Variants in MMP16 observed in about 807,000 individuals in gnomAD.
MMP16 encodes the protein matrix metallopeptidase 16.
MMP16 carries 12 observed loss-of-function variants against 67.8 expected under a neutral mutation model. The observed-to-expected ratio is 0.18, with a 90% CI of 0.11 to 0.29. The LOEUF (loss-of-function observed/expected upper bound fraction) is 0.29. MMP16 is among the 10% of genes least tolerant of loss of function. MMP16 has a pLI of 1.00. For missense variants in MMP16, 475 were observed against 765.7 expected (o/e 0.62, Z 4.48); for synonymous variants, 249 against 255.9 (o/e 0.97, Z 0.26).
At chr8:88,049,232 A>T (rs561197290) in intron 8 of MMP16, among the ~76,000 whole-genome samples, 2 of 152,334 alleles carry the variant, frequency 1.3e-5, no homozygotes, top group South Asian at 4.1e-4. Context: ...AGGACAATGA[A>T]GTGGAATCAT....
intron 4 of MMP16, among the ~76,000 whole-genome samples, chr8:88,164,905 T>A (rs893472267): frequency 1.3e-5 from 2 of 151,700 alleles, no homozygotes; most frequent in Admixed American, 1.3e-4. Flanking sequence ...TTCCCACATA[T>A]ACATTCCTTG....
intron 4 of MMP16, among the ~76,000 whole-genome samples, chr8:88,148,327 A>C (rs1808329722): frequency 6.6e-6 from 1 of 152,206 alleles, no homozygotes; most frequent in South Asian, 2.1e-4. Flanking sequence ...CCTGGAGATT[A>C]ATCTATTGTT....
In MMP16 at chr8:88,041,669, ACT is replaced by A. The variant is rs1808134655; in HGVS notation, c.1614_1615del (p.Arg538SerfsTer2). On this transcript the variant is annotated frameshift_variant, in exon 10 of 10. Coordinates refer to ENST00000286614, the MANE Select transcript of MMP16 (RefSeq NM_005941.5). LOFTEE classifies it high-confidence loss of function. This position sits in a 1 kb window ranked among gnomAD's most constrained non-coding sequence, Gnocchi z 6.0. Reference sequence around the variant, plus strand: ...ATCTGGTGGGCTGTGTCCTTCTTTAACTCTGTCTGTTGGTCCATCACAGCCCA... The same window carrying A: ...ATCTGGTGGGCTGTGTCCTTCTTTAACTGTCTGTTGGTCCATCACAGCCCA... 6.2e-7 allele frequency: 1 copy of A among 1,613,810 alleles called. No homozygotes were observed.
chr8:88,047,678 G>A (rs1280059296), intron 8 of MMP16, among the ~76,000 whole-genome samples: 1 of 152,190 alleles, frequency 6.6e-6, no homozygotes, highest in African/African-American at 2.4e-5. Context: ...TGGAGACATG[G>A]TGAGAGTAAG....
intron 7 of MMP16, among the ~76,000 whole-genome samples, 179 bp downstream of exon 7, chr8:88,074,425 CG>C (rs1307710147): frequency 6.6e-6 from 1 of 151,622 alleles, no homozygotes; most frequent in Non-Finnish European, 1.5e-5. Context: ...ATGAGAATAC[CG>C]TATGAGAACA....
At chr8:88,218,030 T>C (rs925876391) in intron 1 of MMP16, among the ~76,000 whole-genome samples, 2 of 152,008 alleles carry the variant, frequency 1.3e-5, no homozygotes, top group African/African-American at 4.8e-5. Context: ...TTTTGTTTCA[T>C]TTGCTTTCTC....
Position 88,283,906 on chromosome 8 carries a change from G to C in MMP16, c.132+43169C>G, listed in dbSNP as rs144000952. Among the ~76,000 whole-genome samples the C allele has an allele frequency of 2.6e-3, 391 of 152,254 alleles. 4 individuals carry two copies. The Middle Eastern group carries it at 0.031, about 12-fold the overall frequency. ...ACATGGCCTGACCAATGCCAACAAG[G>C]TGAACCATAATATTTTGCAAAGCAT... On this transcript the variant is annotated intron_variant, in intron 1 of 9. Transcript: ENST00000286614.
At chr8:88,064,129 G>A (rs571269346) in intron 7 of MMP16, among the ~76,000 whole-genome samples, 1 of 152,194 alleles carries the variant, frequency 6.6e-6, no homozygotes, top group African/African-American at 2.4e-5. Flanking sequence ...GTGTATGGCT[G>A]CTTTTACCTT....
At chr8:88,219,446 G>A (rs1330133973) in intron 1 of MMP16, among the ~76,000 whole-genome samples, 1 of 152,052 alleles carries the variant, frequency 6.6e-6, no homozygotes, top group Non-Finnish European at 1.5e-5. Context: ...GCCAAGAAAT[G>A]TTACACTATG....
At chr8:88,218,466 G>C (rs1809628266) in intron 1 of MMP16, among the ~76,000 whole-genome samples, 1 of 151,980 alleles carries the variant, frequency 6.6e-6, no homozygotes, top group Admixed American at 6.6e-5. Context: ...TTTGCTAGAA[G>C]AGTAAATCTG....
intron 1 of MMP16, among the ~76,000 whole-genome samples, chr8:88,219,823 C>T (rs1276430391): frequency 6.6e-6 from 1 of 151,948 alleles, no homozygotes; most frequent in Non-Finnish European, 1.5e-5. Context: ...GTATTGAATC[C>T]GAAGAGCTTT....
At chr8:88,241,278 C>T (rs1399642931) in intron 1 of MMP16, among the ~76,000 whole-genome samples, 1 of 152,040 alleles carries the variant, frequency 6.6e-6, no homozygotes, top group Non-Finnish European at 1.5e-5. Context: ...TCGGAAGTCT[C>T]TAGAAGCATG....
rs190354497 is a variant in MMP16 at position 88,174,155 on chromosome 8, G to A, written c.405-6182C>T. Among the ~76,000 whole-genome samples, 31 of 152,058 alleles carry A rather than the reference G, an allele frequency of 2.0e-4. No homozygotes were observed. In the East Asian group the frequency reaches 2.9e-3, roughly 14 times the overall value. On this transcript the variant is annotated intron_variant, in intron 3 of 9. Coordinates refer to ENST00000286614, the MANE Select transcript of MMP16 (RefSeq NM_005941.5). ...CGGAGTCATTCATTTAAAAACAAGCGGAGCTAAAGGATTAATATACTGGAA... is the reference window on the plus strand; with the variant it reads ...CGGAGTCATTCATTTAAAAACAAGCAGAGCTAAAGGATTAATATACTGGAA...
intron 6 of MMP16, among the ~76,000 whole-genome samples, chr8:88,104,256 A>G (rs1809196884): frequency 6.6e-6 from 1 of 151,744 alleles, no homozygotes; most frequent in Non-Finnish European, 1.5e-5. Flanking sequence ...ATGTATTTTA[A>G]TAATAAAATT....
Position 88,310,724 on chromosome 8 carries a change from C to T in MMP16, c.132+16351G>A, listed in dbSNP as rs748914435. On this transcript the variant is annotated intron_variant, in intron 1 of 9. Coordinates refer to ENST00000286614, the MANE Select transcript of MMP16 (RefSeq NM_005941.5). ...CAAACACCTTGTACAATGGATTATT[C>T]GTACAGGCATTCAATTTGTTCTAAT... 8.9e-4 allele frequency among the ~76,000 whole-genome samples: 135 copies of T among 152,228 alleles called. 1 individual carries two copies. Among genetic ancestry groups the T allele is most frequent in the Middle Eastern group, 3.4e-3 (1 of 294 alleles).
intron 1 of MMP16, among the ~76,000 whole-genome samples, chr8:88,288,253 T>C (rs998038173): frequency 6.6e-6 from 1 of 152,240 alleles, no homozygotes. Context: ...CAATGTACAA[T>C]GAGCACATCT....
At chr8:88,070,880 C>G (rs1046515936) in intron 7 of MMP16, among the ~76,000 whole-genome samples, 2 of 152,054 alleles carry the variant, frequency 1.3e-5, no homozygotes, top group African/African-American at 4.8e-5. Context: ...AAAGATAAAT[C>G]TGATCCCCAT....
chr8:88,150,736 C>A (rs1485236613), intron 4 of MMP16, among the ~76,000 whole-genome samples: 2 of 148,322 alleles, frequency 1.3e-5, no homozygotes, highest in African/African-American at 5.0e-5. Flanking sequence ...AAGGAACAAC[C>A]GGTACCAGCC....
intron 1 of MMP16, among the ~76,000 whole-genome samples, chr8:88,210,174 A>G (rs1297364640): frequency 1.3e-5 from 2 of 152,176 alleles, no homozygotes; most frequent in African/African-American, 4.8e-5. Flanking sequence ...CCAGTCTACG[A>G]CACTTTTTTA....
Sources: allele counts gnomAD v4.1 joint callset (sites outside exome capture counted in the v4.1 genomes callset), GRCh38; gene constraint gnomAD v4.1.1; non-coding constraint Gnocchi (gnomAD v3.1); transcripts MANE v1.5; gene names NCBI Gene and HGNC (gene_info 2026-07-23, HGNC 2026-07-21).